ARHGAP17: variants seen among roughly 807,000 people sequenced by gnomAD.
The protein encoded by ARHGAP17 is rho GTPase-activating protein 17.
A neutral mutation model predicts 99.5 loss-of-function variants in ARHGAP17; 57 were observed. That is an observed-to-expected ratio of 0.57 (90% confidence interval 0.46 to 0.71). ARHGAP17 has a LOEUF of 0.71. ARHGAP17 is among the 30% of genes least tolerant of loss of function. The pLI is 0.00. For missense variants in ARHGAP17, 1,000 were observed against 1,122.4 expected (o/e 0.89, Z 1.56); for synonymous variants, 417 against 429.6 (o/e 0.97, Z 0.36).
At chr16:24,975,485 A>C (rs887491398) in intron 3 of ARHGAP17, among the ~76,000 whole-genome samples, 1 of 152,210 alleles carries the variant, frequency 6.6e-6, no homozygotes, top group Non-Finnish European at 1.5e-5. Flanking sequence ...AAGCAGAACC[A>C]GTAGGCTGGG....
rs1200495083 is a variant in ARHGAP17, at chr16:24,970,513, A to G, written c.266T>C (p.Leu89Pro). 1 of 1,614,058 alleles carries G rather than the reference A, an allele frequency of 6.2e-7. No homozygotes were observed. The highest frequency in any genetic ancestry group is 8.5e-7 in the Non-Finnish European group (1 of 1,179,908). The change falls in exon 4 of 20, where the codon CTC becomes CCC. Residue 89 changes from leucine (L) to proline (P), a missense_variant. Leu to Pro is a moderately conservative substitution (Grantham distance 98). Coordinates refer to ENST00000289968, the MANE Select transcript of ARHGAP17 (RefSeq NM_001006634.3). ...TGAAGGCAGCAACTCTTACCCCAGG[A>G]GAGAGTCTTCCAGCTGAGTCGATGC... Reference protein sequence around the residue: ...QEASTQLEDSLLGKMLETCGD... With the variant: ...QEASTQLEDSPLGKMLETCGD...
chr16:24,929,491 A>G (rs1381796996), intron 19 of ARHGAP17: 6 of 638,010 alleles, frequency 9.4e-6, no homozygotes, highest in Non-Finnish European at 1.2e-5. Flanking sequence ...CTGTCAGGGC[A>G]CACGGTCAAA....
intron 1 of ARHGAP17, among the ~76,000 whole-genome samples, chr16:24,994,072 G>C (rs1016140205): frequency 3.9e-5 from 6 of 152,170 alleles, no homozygotes; most frequent in African/African-American, 1.4e-4. Flanking sequence ...ACACGTCACA[G>C]ATGTGGCCCA....
intron 1 of ARHGAP17, among the ~76,000 whole-genome samples, chr16:25,010,735 A>G (rs1417660932): frequency 6.6e-6 from 1 of 152,226 alleles, no homozygotes; most frequent in African/African-American, 2.4e-5. Flanking sequence ...ATTTCAGGAA[A>G]ACTCCACAGG....
chr16:24,954,783 A>G, intron 9 of ARHGAP17, 53 bp from the exon 10 acceptor site: 1 of 1,601,634 alleles, frequency 6.2e-7, no homozygotes, highest in Non-Finnish European at 8.5e-7. Context: ...GGCATTACCA[A>G]GCTATTTTCT....
At position 24,942,058 on chromosome 16, in the gene ARHGAP17, G is replaced by A. The variant is rs768165541; in HGVS notation, c.1419C>T (p.Asp473=). 33 of 1,614,162 alleles carry A rather than the reference G, an allele frequency of 2.0e-5. No homozygotes were observed. Among genetic ancestry groups the A allele is most frequent in the Non-Finnish European group, 2.8e-5 (33 of 1,180,018 alleles). Residue 473 remains aspartate (D), a synonymous_variant, in exon 16 of 20, where the codon GAC becomes GAT. Coordinates refer to ENST00000289968, the MANE Select transcript of ARHGAP17 (RefSeq NM_001006634.3). The part of the protein sequence containing the change: ...NHSFHTGNDS[D]SGTLERKRPA... ...GCCGCTTCCTCTCCAGGGTCCCCGA[G>A]TCAGAGTCGTTTCCAGTGTGGAATG...
Position 24,935,473 on chromosome 16 carries a change from G to T in ARHGAP17, c.1891C>A (p.Arg631=), listed in dbSNP as rs148333219. ...AAGGAGGACGGTGGCTGCTTACCTC[G>T]GCGCAGTGTATGCGGGCTGGGCCCT... The part of the protein sequence containing the change: ...AAGPSPHTLR[R]AVKKPAPAPP... The change falls in exon 18 of 20, where the codon CGA becomes AGA. Residue 631 remains arginine, a synonymous_variant. Transcript: ENST00000289968. 14 of 1,591,814 alleles carry T rather than the reference G, an allele frequency of 8.8e-6. No homozygotes were observed. Among genetic ancestry groups the T allele is most frequent in the African/African-American group, 8.0e-5 (6 of 74,684 alleles).
Position 24,931,064 on chromosome 16 carries a change from A to G in ARHGAP17, c.2235T>C (p.His745=), listed in dbSNP as rs757500687. The change falls in exon 19 of 20, where the codon CAT becomes CAC. Residue 745 remains histidine (H), a synonymous_variant. Coordinates refer to ENST00000289968, the MANE Select transcript of ARHGAP17 (RefSeq NM_001006634.3). ...PPNPMALPSE[H]GLEQPSHTPP... ...GGGTGTGAGATGGCTGCTCAAGTCC[A>G]TGCTCACTGGGCAATGCCATGGGGT... 105 of 1,606,458 alleles carry G rather than the reference A, an allele frequency of 6.5e-5. No homozygotes were observed. The highest frequency in any genetic ancestry group is 7.8e-5 in the South Asian group (7 of 89,662).
At chr16:24,964,647 G>A (rs79919941) in intron 6 of ARHGAP17, among the ~76,000 whole-genome samples, 2,139 of 152,248 alleles carry the variant, frequency 0.014, 53 homozygotes, top group African/African-American at 0.049. Flanking sequence ...CCCTGCCACC[G>A]GAGGAGAGCA....
In ARHGAP17 at chr16:24,978,963, T is replaced by C. The variant is rs1275724847; in HGVS notation, c.93+3A>G. 2 of 1,585,534 alleles carry C rather than the reference T, an allele frequency of 1.3e-6. No individual in the cohort carries two copies. Among genetic ancestry groups the C allele is most frequent in the African/African-American group, 2.7e-5 (2 of 73,038 alleles). On this transcript the variant is annotated splice_donor_region_variant and intron_variant, in intron 2 of 19. Transcript: ENST00000289968. The stretch of plus-strand genomic sequence containing the variant: ...TCATTTAAAGGAGACTATATTTTGT[T>C]ACCTGTAATAGATCTTCACTAAGGA...
chr16:24,974,880 C>T (rs915790873), intron 3 of ARHGAP17, among the ~76,000 whole-genome samples: 4 of 152,198 alleles, frequency 2.6e-5, no homozygotes, highest in African/African-American at 9.7e-5. Flanking sequence ...AGCACAGTAG[C>T]TCATGCCTGT....
At chr16:25,003,739 G>A (rs528374673) in intron 1 of ARHGAP17, among the ~76,000 whole-genome samples, 10 of 151,792 alleles carry the variant, frequency 6.6e-5, no homozygotes, top group South Asian at 2.1e-4. Flanking sequence ...CAGGAGAATC[G>A]CTTGAACCTT....
At chr16:25,015,182 G>T in intron 1 of ARHGAP17, 27 bp downstream of exon 1, 1 of 1,280,588 alleles carries the variant, frequency 7.8e-7, no homozygotes. Context: ...GCCCCGGTGC[G>T]ACCCCCGTGC....
At chr16:24,967,742 C>T (rs1281432589) in intron 6 of ARHGAP17, among the ~76,000 whole-genome samples, 2 of 145,338 alleles carry the variant, frequency 1.4e-5, no homozygotes, top group African/African-American at 2.6e-5. Flanking sequence ...AAGCTATGAT[C>T]GCACCAGCCT....
At chr16:24,985,457 G>T (rs757563700) in intron 1 of ARHGAP17, among the ~76,000 whole-genome samples, 1 of 152,134 alleles carries the variant, frequency 6.6e-6, no homozygotes, top group Non-Finnish European at 1.5e-5. Context: ...TGAGTCTACC[G>T]CATTCCTTGG....
chr16:24,997,888 T>A (rs115453995), intron 1 of ARHGAP17, among the ~76,000 whole-genome samples: 1 of 152,126 alleles, frequency 6.6e-6, no homozygotes, highest in African/African-American at 2.4e-5. Context: ...TTCCCTTTTT[T>A]CTAGATGGTT....
At chr16:24,941,926 A>G in intron 16 of ARHGAP17, 61 bp downstream of exon 16, 2 of 1,609,888 alleles carry the variant, frequency 1.2e-6, no homozygotes, top group Non-Finnish European at 1.7e-6. Flanking sequence ...GAGCGATACC[A>G]GATACCACGG....
intron 16 of ARHGAP17, 107 bp from the exon 17 acceptor site, chr16:24,939,704 C>T (rs1370713965): frequency 1.6e-6 from 2 of 1,212,776 alleles, no homozygotes; most frequent in Non-Finnish European, 2.4e-6. Flanking sequence ...GCCACCCAAG[C>T]TGCCCGGCAT....
intron 3 of ARHGAP17, among the ~76,000 whole-genome samples, chr16:24,976,364 CA>C (rs1249410084): frequency 6.6e-6 from 1 of 151,968 alleles, no homozygotes. Context: ...CCCATCTCTA[CA>C]AAAAAATTTA....
Sources: gnomAD v4.1 joint callset for allele counts (sites outside exome capture counted in the v4.1 genomes callset) on GRCh38, gnomAD v4.1.1 for gene constraint, MANE v1.5 for transcripts, NCBI Gene and HGNC (gene_info 2026-07-23, HGNC 2026-07-21) for gene names.